The following TPTE variants were observed in gnomAD, a reference collection of about 807,000 sequenced individuals.
TPTE encodes the protein putative tyrosine-protein phosphatase TPTE.
A neutral mutation model predicts 84.1 loss-of-function variants in TPTE; 59 were observed. That is an observed-to-expected ratio of 0.70 (90% CI 0.57 to 0.87). TPTE has a LOEUF of 0.87. TPTE is among the 40% of genes least tolerant of loss of function. TPTE has a pLI of 0.00. For missense variants in TPTE, 382 were observed against 659.6 expected, an observed-to-expected ratio of 0.58 and a Z score of 4.61; for synonymous variants, 130 against 223.5, an observed-to-expected ratio of 0.58 and a Z score of 3.73.
chr21:10,562,715 T>G (rs868477527), intron 10 of TPTE, among the ~76,000 whole-genome samples: 1 of 152,294 alleles, frequency 6.6e-6, no homozygotes, highest in African/African-American at 2.4e-5. Flanking sequence ...TCAAAATACA[T>G]AGAGGAGACA....
chr21:10,549,804 A>T (rs1334742177), intron 7 of TPTE, among the ~76,000 whole-genome samples: 1 of 152,308 alleles, frequency 6.6e-6, no homozygotes, highest in African/African-American at 2.4e-5. Flanking sequence ...CTAACTCTTG[A>T]GGGAGAGCTA....
chr21:10,565,913 G>C (rs1164269766), intron 10 of TPTE, among the ~76,000 whole-genome samples: 1 of 152,312 alleles, frequency 6.6e-6, no homozygotes, highest in African/African-American at 2.4e-5. Flanking sequence ...TACTACAAGA[G>C]AACATTGGGA....
chr21:10,540,790 G>A (rs566628900), intron 4 of TPTE: 1 of 529,404 alleles, frequency 1.9e-6, no homozygotes, highest in African/African-American at 1.9e-5. Context: ...AACTCAAATG[G>A]GATTATAAGA....
At position 10,603,946 on chromosome 21, in the gene TPTE, A is replaced by G. The variant is rs549640921; in HGVS notation, c.1520+314A>G. Among the ~76,000 whole-genome samples, 3 of 152,428 alleles carry G rather than the reference A, an allele frequency of 2.0e-5. No individual in the cohort carries two copies. In the South Asian group the frequency reaches 6.2e-4, roughly 32 times the overall value. On this transcript the variant is annotated intron_variant, in intron 23 of 23. Coordinates refer to ENST00000618007, the MANE Select transcript of TPTE (RefSeq NM_199261.4). ...GAAGTTCAATATGAGGCTGCTCAGC[A>G]CCTTCAATATGTCAGGTCCCTGTCA...
chr21:10,523,018 T>C (rs1338470503), intron 1 of TPTE, among the ~76,000 whole-genome samples: 1 of 152,310 alleles, frequency 6.6e-6, no homozygotes, highest in East Asian at 1.9e-4. Context: ...TTTAGTGAAA[T>C]TTAATATTGT....
At chr21:10,592,763 A>G (rs1259113819) in intron 19 of TPTE, among the ~76,000 whole-genome samples, 4 of 152,306 alleles carry the variant, frequency 2.6e-5, no homozygotes, top group Non-Finnish European at 2.9e-5. Flanking sequence ...GGACAATTCA[A>G]CCCTTGCAGA....
chr21:10,576,418 G>A, intron 14 of TPTE: 1 of 188,512 alleles, frequency 5.3e-6, no homozygotes, highest in Non-Finnish European at 1.1e-5. Flanking sequence ...AGACAGGTCA[G>A]GCCATTGGAT....
chr21:10,547,135 G>A (rs2074483285), intron 7 of TPTE, among the ~76,000 whole-genome samples: 1 of 152,306 alleles, frequency 6.6e-6, no homozygotes, highest in South Asian at 2.1e-4. Context: ...AACAATCATT[G>A]ACTATTCTGA....
chr21:10,579,476 A>T (rs1479350025), intron 17 of TPTE, among the ~76,000 whole-genome samples: 4 of 152,300 alleles, frequency 2.6e-5, no homozygotes, highest in African/African-American at 9.6e-5. Context: ...AGCAACAAGA[A>T]CAAAACTCCA....
In TPTE at chr21:10,602,045, T is replaced by C; in HGVS notation, c.1357-13T>C. Reference sequence around the variant, plus strand: ...TAGGTTTATAGTTCTCAATTCCATGTGTTCATTCATAGGTACTTGATAACA... The same window carrying C: ...TAGGTTTATAGTTCTCAATTCCATGCGTTCATTCATAGGTACTTGATAACA... On this transcript the variant is annotated splice_polypyrimidine_tract_variant and intron_variant, in intron 21 of 23. Transcript: ENST00000618007. 1 of 1,606,056 alleles carries C rather than the reference T, an allele frequency of 6.2e-7. No individual in the cohort carries two copies. The highest frequency in any genetic ancestry group is 8.5e-7 in the Non-Finnish European group (1 of 1,173,848).
intron 20 of TPTE, 75 bp from the exon 21 acceptor site, chr21:10,597,940 A>C (rs2075619270): frequency 1.3e-6 from 2 of 1,552,840 alleles, no homozygotes; most frequent in Non-Finnish European, 1.8e-6. Context: ...ATTTTAATCC[A>C]TGATGTTAAT....
At chr21:10,534,658 A>G (rs1411169176) in intron 3 of TPTE, among the ~76,000 whole-genome samples, 2 of 152,312 alleles carry the variant, frequency 1.3e-5, no homozygotes, top group African/African-American at 2.4e-5. Flanking sequence ...TAATGGAGCC[A>G]TCAGTGAAAG....
chr21:10,570,385 T>C, intron 13 of TPTE, 100 bp from the exon 14 acceptor site: 1 of 1,586,274 alleles, frequency 6.3e-7, no homozygotes, highest in Non-Finnish European at 8.6e-7. Flanking sequence ...AAAGGTTTTT[T>C]TTCTGTGAAA....
At chr21:10,548,639 G>A (rs1050423830) in intron 7 of TPTE, among the ~76,000 whole-genome samples, 2 of 152,312 alleles carry the variant, frequency 1.3e-5, no homozygotes, top group African/African-American at 2.4e-5. Context: ...TCCCAGGCCT[G>A]AGAAACACCC....
chr21:10,601,732 A>AT (rs1978545140), intron 21 of TPTE, among the ~76,000 whole-genome samples: 1 of 152,308 alleles, frequency 6.6e-6, no homozygotes, highest in African/African-American at 2.4e-5. Flanking sequence ...ATGTGCCTAT[A>AT]GTCCCAGCTA....
chr21:10,545,281 G>A (rs1015995665), intron 7 of TPTE, among the ~76,000 whole-genome samples: 2 of 151,432 alleles, frequency 1.3e-5, no homozygotes, highest in African/African-American at 4.9e-5. Flanking sequence ...CACTTAAATT[G>A]TGATTCATTA....
At position 10,592,190 on chromosome 21, in the gene TPTE, C is replaced by A. The variant is rs2075491275; in HGVS notation, c.1090-103C>A. The A allele has an allele frequency of 3.2e-6, 5 of 1,563,974 alleles. No homozygotes were observed. In the South Asian group the frequency reaches 5.7e-5, roughly 18 times the overall value. ...AAAAACAAACAAACAAACAAAATCA[C>A]TGACTTTAGGAAAGAAGGTGGGCGT... On this transcript the variant is annotated intron_variant, in intron 18 of 23. Transcript: ENST00000618007.
At chr21:10,576,898 A>G (rs2145728158) in intron 14 of TPTE, among the ~76,000 whole-genome samples, 1 of 151,654 alleles carries the variant, frequency 6.6e-6, no homozygotes, top group African/African-American at 2.4e-5. Context: ...TTATAGGTAC[A>G]CATATATCTT....
chr21:10,592,940 A>G (rs1406429648), intron 19 of TPTE, among the ~76,000 whole-genome samples: 2 of 152,424 alleles, frequency 1.3e-5, no homozygotes, highest in East Asian at 3.9e-4. Flanking sequence ...ACTTTTACAT[A>G]TCTCATTTAA....
Sources: gnomAD v4.1 joint callset for allele counts (sites outside exome capture counted in the v4.1 genomes callset) on GRCh38, gnomAD v4.1.1 for gene constraint, MANE v1.5 for transcripts, NCBI Gene and HGNC (gene_info 2026-07-23, HGNC 2026-07-21) for gene names.